The following PRKD3 variants were observed in gnomAD, a reference collection of about 807,000 sequenced individuals.
PRKD3 encodes protein kinase D3.
Under a neutral mutation model 99.2 loss-of-function variants are expected in PRKD3, and 47 were observed. The observed-to-expected ratio is 0.47, with a 90% CI of 0.38 to 0.60. The LOEUF (loss-of-function observed/expected upper bound fraction) is 0.60, where lower values mean the gene tolerates loss of function less well. Ranked by LOEUF, PRKD3 falls within the 20% of genes least tolerant of loss-of-function variation. The pLI, the probability that PRKD3 is intolerant of heterozygous loss-of-function variation, is 0.00. For synonymous variants in PRKD3, 392 were observed against 355.4 expected, an observed-to-expected ratio of 1.10 and a Z score of -1.16; for missense variants, 1,019 against 1,088.4, an observed-to-expected ratio of 0.94 and a Z score of 0.90.
intron 1 of PRKD3, among the ~76,000 whole-genome samples, chr2:37,318,610 G>T (rs1671759416): frequency 6.6e-6 from 1 of 152,224 alleles, no homozygotes; most frequent in South Asian, 2.1e-4. Context: ...TGCTCAACTT[G>T]TATTTTGCTT....
chr2:37,266,651 C>G (rs894095549), intron 14 of PRKD3, among the ~76,000 whole-genome samples: 5 of 152,046 alleles, frequency 3.3e-5, no homozygotes, highest in Admixed American at 6.6e-5. Flanking sequence ...CGTGCCCGGC[C>G]TAGTTTTTTT....
At chr2:37,294,196 C>T (rs1170380707) in intron 2 of PRKD3, among the ~76,000 whole-genome samples, 1 of 152,080 alleles carries the variant, frequency 6.6e-6, no homozygotes, top group East Asian at 1.9e-4. Context: ...CTCCCAGGCT[C>T]GTGATCCTCC....
At chr2:37,285,344 C>A (rs956319531) in intron 6 of PRKD3, among the ~76,000 whole-genome samples, 10 of 152,096 alleles carry the variant, frequency 6.6e-5, no homozygotes, top group African/African-American at 2.4e-4. Flanking sequence ...TTCCAGTATG[C>A]TGTTAAAAAC....
intron 17 of PRKD3, among the ~76,000 whole-genome samples, chr2:37,255,276 T>C (rs958982315): frequency 4.6e-5 from 7 of 150,930 alleles, no homozygotes; most frequent in African/African-American, 1.7e-4. Flanking sequence ...GATGGAATAT[T>C]AGTTAATCCT....
At chr2:37,309,496 A>G (rs529969307) in intron 2 of PRKD3, among the ~76,000 whole-genome samples, 2 of 152,346 alleles carry the variant, frequency 1.3e-5, no homozygotes, top group African/African-American at 4.8e-5. Context: ...TAGTTAAATC[A>G]GTTGACCTCA....
rs1669459492 is a variant in PRKD3, at chr2:37,274,459, G to C, written c.1613C>G (p.Ala538Gly). The C allele has an allele frequency of 1.2e-6, 2 of 1,614,116 alleles. No homozygotes were observed. Among genetic ancestry groups the C allele is most frequent in the Non-Finnish European group, 8.5e-7 (1 of 1,179,960 alleles). The change falls in exon 11 of 19, where the codon GCA becomes GGA. Residue 538 changes from alanine to glycine, a missense_variant. Transcript: ENST00000234179. ...RQALMPVTPQASVCTSPGQGK... is the reference protein window; with the variant it reads ...RQALMPVTPQGSVCTSPGQGK... ...TTGCCCTGGAGAAGTGCAAACACTT[G>C]CTTGAGGAGTAACAGGCATGAGGGC...
chr2:37,315,994 G>A (rs966526187), intron 2 of PRKD3, among the ~76,000 whole-genome samples: 18 of 152,072 alleles, frequency 1.2e-4, no homozygotes, highest in African/African-American at 3.6e-4. Flanking sequence ...CAAAGTGCTG[G>A]GATTACAGGC....
At chr2:37,282,413 T>C (rs1669895349) in intron 7 of PRKD3, 129 bp downstream of exon 7, 1 of 658,300 alleles carries the variant, frequency 1.5e-6, no homozygotes, top group East Asian at 2.7e-5. Context: ...TTTTGTTTGA[T>C]TATTAAATCA....
chr2:37,283,911 A>AC (rs1669972305), intron 6 of PRKD3, among the ~76,000 whole-genome samples: 1 of 151,824 alleles, frequency 6.6e-6, no homozygotes, highest in African/African-American at 2.4e-5. Flanking sequence ...AAAAAAAAAA[A>AC]AAAAAAAAAA....
intron 1 of PRKD3, chr2:37,317,919 C>A (rs1671732078): frequency 6.7e-6 from 1 of 149,946 alleles, no homozygotes; most frequent in Non-Finnish European, 1.5e-5. Flanking sequence ...AGAAAGAGAA[C>A]AGTAGGTATA....
intron 2 of PRKD3, among the ~76,000 whole-genome samples, chr2:37,309,351 A>G (rs1381978709): frequency 3.9e-5 from 6 of 152,168 alleles, no homozygotes; most frequent in Non-Finnish European, 5.9e-5. Flanking sequence ...AGTTGATTCT[A>G]TAGGCTCTTT....
intron 14 of PRKD3, among the ~76,000 whole-genome samples, chr2:37,265,687 A>G (rs1668790659): frequency 6.6e-6 from 1 of 152,234 alleles, no homozygotes; most frequent in Non-Finnish European, 1.5e-5. Flanking sequence ...AATATCTGAC[A>G]TAAACAATTT....
intron 13 of PRKD3, 114 bp downstream of exon 13, chr2:37,269,501 T>G (rs1416071062): frequency 1.2e-6 from 1 of 861,994 alleles, no homozygotes; most frequent in South Asian, 1.4e-5. Flanking sequence ...AAGTCAGCCT[T>G]TAAAAAAAAG....
chr2:37,272,509 A>T, intron 11 of PRKD3, 77 bp from the exon 12 acceptor site: 1 of 1,493,294 alleles, frequency 6.7e-7, no homozygotes. Context: ...TGCTCATGGT[A>T]TATCAAACTT....
chr2:37,282,277 T>C, intron 7 of PRKD3: 1 of 386,286 alleles, frequency 2.6e-6, no homozygotes, highest in East Asian at 4.2e-5. Flanking sequence ...CAAGTTCTTT[T>C]ATGTCTAAAA....
intron 14 of PRKD3, among the ~76,000 whole-genome samples, chr2:37,264,627 A>AT (rs1242696394): frequency 6.6e-6 from 1 of 152,148 alleles, no homozygotes; most frequent in Non-Finnish European, 1.5e-5. Context: ...ACATGCAGAT[A>AT]TTTGAGGGAG....
In PRKD3 at chr2:37,316,841, G is replaced by T. The variant is rs1006323898; in HGVS notation, c.-317C>A. The T allele has an allele frequency of 1.8e-6, 2 of 1,112,518 alleles. No individual in the cohort carries two copies. Among genetic ancestry groups the T allele is most frequent in the South Asian group, 3.2e-5 (1 of 31,274 alleles). The allele number at this position is 1,112,518 out of a possible 1,614,324, so 68.9% of individuals were successfully genotyped here. A position where few individuals can be genotyped will look rare whatever the true frequency, so the allele number is the denominator to read the frequency against. ...GATAGAGTTGACGTAGCTTATTTACGAATCTATTTTCCTTTCAGTCTGTAC... is the reference window on the plus strand; with the variant it reads ...GATAGAGTTGACGTAGCTTATTTACTAATCTATTTTCCTTTCAGTCTGTAC... On this transcript the variant is annotated 5_prime_UTR_variant, in exon 2 of 19. An upstream open reading frame in the 5' UTR gains an earlier in-frame stop. Coordinates refer to ENST00000234179, the MANE Select transcript of PRKD3 (RefSeq NM_005813.6).
chr2:37,311,502 A>G (rs374802729), intron 2 of PRKD3, among the ~76,000 whole-genome samples: 2 of 152,192 alleles, frequency 1.3e-5, no homozygotes, highest in African/African-American at 4.8e-5. Flanking sequence ...GCCATAACAG[A>G]TAATGGCACC....
intron 14 of PRKD3, among the ~76,000 whole-genome samples, chr2:37,260,645 T>A (rs1668362770): frequency 6.6e-6 from 1 of 152,192 alleles, no homozygotes; most frequent in Admixed American, 6.5e-5. Flanking sequence ...TACTACTACT[T>A]TTCCTTCCTT....
Sources: allele counts gnomAD v4.1 joint callset (sites outside exome capture counted in the v4.1 genomes callset), GRCh38; gene constraint gnomAD v4.1.1; transcripts MANE v1.5; gene names NCBI Gene and HGNC (gene_info 2026-07-23, HGNC 2026-07-21).